DZIP1: variants seen among roughly 807,000 people sequenced by gnomAD.
The protein encoded by DZIP1 is cilium assembly protein DZIP1.
DZIP1 carries 97 observed loss-of-function variants against 107.6 expected under a neutral mutation model. That is an observed-to-expected ratio of 0.90 (90% CI 0.77 to 1.07). The LOEUF (loss-of-function observed/expected upper bound fraction) is 1.07, where lower values mean the gene tolerates loss of function less well. Among genes scored for constraint, DZIP1 ranks in the 50% least tolerant of loss-of-function variants. The pLI is 0.00. For synonymous variants in DZIP1, 390 were observed against 386.4 expected (o/e 1.01, Z -0.11); for missense variants, 1,035 against 1,063.6 (o/e 0.97, Z 0.37).
chr13:95,583,810 C>T (rs774878879), intron 22 of DZIP1, among the ~76,000 whole-genome samples: 9 of 151,824 alleles, frequency 5.9e-5, no homozygotes, highest in Non-Finnish European at 1.2e-4. Context: ...GAAGAGAATA[C>T]GTGTATAGAC....
intron 7 of DZIP1, among the ~76,000 whole-genome samples, chr13:95,626,003 G>C (rs553060197): frequency 9.2e-5 from 14 of 151,786 alleles, no homozygotes; most frequent in Admixed American, 2.6e-4. Context: ...ATGGTGGTAC[G>C]TGCCTGTAAT....
At chr13:95,589,961 C>T (rs2044266744) in intron 17 of DZIP1, 29 bp from the exon 18 acceptor site, 2 of 1,607,650 alleles carry the variant, frequency 1.2e-6, no homozygotes, top group Non-Finnish European at 8.5e-7. Flanking sequence ...CATGAGTCTC[C>T]ATTACCTTTA....
chr13:95,632,093 C>T (rs1490019401), intron 6 of DZIP1, among the ~76,000 whole-genome samples: 2 of 152,302 alleles, frequency 1.3e-5, no homozygotes, highest in Non-Finnish European at 2.9e-5. Flanking sequence ...TCTGCTGCTG[C>T]TCTTTCTGAG....
rs1027507352 is a variant in DZIP1 at position 95,582,097 on chromosome 13, T to TTG, written c.*135_*136dup. ...GTATTGGGTGCCATTAAAGAGACCA[T>TTG]TGTTCTTTGAATCAGTCTCTGTGTT... On this transcript the variant is annotated 3_prime_UTR_variant, in exon 23 of 23. Transcript: ENST00000376829. 1.3e-6 allele frequency: 1 copy of TTG among 744,528 alleles called. No homozygotes were observed. The highest frequency in any genetic ancestry group is 2.3e-6 in the Non-Finnish European group (1 of 432,576). 46.1% of individuals were successfully genotyped at this position (744,528 alleles called of 1,614,324 possible).
rs753037184 is a variant in DZIP1 at position 95,584,796 on chromosome 13, G to A, written c.2464C>T (p.His822Tyr). Residue 822 changes from histidine to tyrosine, a missense_variant, in exon 22 of 23, where the codon CAT (histidine) becomes TAT (tyrosine). Coordinates refer to ENST00000376829, the MANE Select transcript of DZIP1 (RefSeq NM_198968.4). ...KEPPPAKNEP[H>Y]FAHVLNAWGA... ...CAGGCATTTAGCACATGAGCAAAAT[G>A]TGGTTCATTTTTCGCAGGTGGAGGT... is the stretch of plus-strand genomic sequence containing the variant. 4 of 1,614,144 alleles carry A rather than the reference G, an allele frequency of 2.5e-6. No individual in the cohort carries two copies. Among genetic ancestry groups the A allele is most frequent in the Admixed American group, 3.3e-5 (2 of 60,020 alleles).
At position 95,600,617 on chromosome 13, in the gene DZIP1, T is replaced by C. The variant is rs532095596; in HGVS notation, c.1478-1193A>G. Among the ~76,000 whole-genome samples the C allele has an allele frequency of 9.6e-5, 13 of 134,856 alleles. 1 individual carries two copies. The highest frequency in any genetic ancestry group is 2.7e-4 in the East Asian group (1 of 3,714). The allele number at this position is 134,856 out of a possible 152,430, so 88.5% of individuals were successfully genotyped here. On this transcript the variant is annotated intron_variant, in intron 14 of 22. Coordinates refer to ENST00000376829, the MANE Select transcript of DZIP1 (RefSeq NM_198968.4). ...ATAGATAGATAGATAGATAGATAGA[T>C]AGATAGATAGATAGACAGACAGACA...
chr13:95,617,189 G>C (rs976153440), intron 10 of DZIP1, among the ~76,000 whole-genome samples: 1 of 150,402 alleles, frequency 6.6e-6, no homozygotes, highest in East Asian at 2.0e-4. Flanking sequence ...GCAACAGAGT[G>C]AGACTCTGTC....
chr13:95,613,511 C>CAAAAAAAAAA (rs11356166), intron 10 of DZIP1, among the ~76,000 whole-genome samples: 1 of 140,370 alleles, frequency 7.1e-6, no homozygotes, highest in African/African-American at 2.6e-5. Context: ...GATTCCGTCT[C>CAAAAAAAAAA]AAAAAAAAAA....
chr13:95,625,985 A>T (rs1876499196), intron 7 of DZIP1, among the ~76,000 whole-genome samples: 1 of 151,778 alleles, frequency 6.6e-6, no homozygotes, highest in East Asian at 1.9e-4. Context: ...AAAAAAAATT[A>T]GCCAGGTATG....
At position 95,587,666 on chromosome 13, in the gene DZIP1, G is replaced by A. The variant is rs1240910741; in HGVS notation, c.2091C>T (p.Ser697=). 1 of 1,614,026 alleles carries A rather than the reference G, an allele frequency of 6.2e-7. No homozygotes were observed. Among genetic ancestry groups the A allele is most frequent in the African/African-American group, 1.3e-5 (1 of 74,908 alleles). The stretch of plus-strand genomic sequence containing the variant: ...GTGGCGGCACAGGAAGTGGGCCTGG[G>A]GATGCGTATGCCCGGATGAGGTCGT... ...EDDDLIRAYA[S]PGPLPVPPPQ... is the part of the protein sequence containing the mutation. Residue 697 remains serine, a synonymous_variant, in exon 20 of 23, where the codon TCC becomes TCT. Transcript: ENST00000376829.
intron 14 of DZIP1, among the ~76,000 whole-genome samples, chr13:95,604,207 C>T (rs192135564): frequency 1.1e-4 from 16 of 152,314 alleles, no homozygotes; most frequent in African/African-American, 3.9e-4. Flanking sequence ...CCAGGGGACC[C>T]GACCTACAAT....
chr13:95,587,192 A>T (rs1434841024), intron 20 of DZIP1, among the ~76,000 whole-genome samples: 1 of 151,876 alleles, frequency 6.6e-6, no homozygotes, highest in African/African-American at 2.4e-5. Context: ...CGCGGAACAG[A>T]CCCTCCCTGG....
intron 13 of DZIP1, among the ~76,000 whole-genome samples, chr13:95,608,149 C>T (rs1378710296): frequency 6.6e-6 from 1 of 152,142 alleles, no homozygotes; most frequent in Non-Finnish European, 1.5e-5. Flanking sequence ...ACCTATGGGG[C>T]TATGGGCCTA....
chr13:95,598,813 A>G (rs1267706576), intron 15 of DZIP1, among the ~76,000 whole-genome samples: 1 of 152,164 alleles, frequency 6.6e-6, no homozygotes. Flanking sequence ...AGGACTATCA[A>G]ATGAAATGAG....
Position 95,630,592 on chromosome 13 carries a change from T to TG in DZIP1, c.686-480dup. 4 of 564,228 alleles carry TG rather than the reference T, an allele frequency of 7.1e-6. No individual in the cohort carries two copies. The South Asian group carries it at 8.7e-5, about 12-fold the overall frequency. 35.0% of individuals were successfully genotyped at this position (564,228 alleles called of 1,614,324 possible). A position where few individuals can be genotyped will look rare whatever the true frequency, so the allele number is the denominator to read the frequency against. Reference sequence around the variant, plus strand: ...TCAGTGCTAATACAAGCAGAGGACTTGGGGGGCATTCAAAATGCAAACTTG... The same window carrying TG: ...TCAGTGCTAATACAAGCAGAGGACTTGGGGGGGCATTCAAAATGCAAACTTG... On this transcript the variant is annotated intron_variant, in intron 6 of 22. Coordinates refer to ENST00000376829, the MANE Select transcript of DZIP1 (RefSeq NM_198968.4).
At chr13:95,642,485 A>G (rs1211364412) in intron 3 of DZIP1, among the ~76,000 whole-genome samples, 1 of 152,176 alleles carries the variant, frequency 6.6e-6, no homozygotes, top group African/African-American at 2.4e-5. Flanking sequence ...AGAAATATCT[A>G]TTCATTCCAT....
chr13:95,587,725 G>T lies in DZIP1; in HGVS notation c.2032C>A (p.Pro678Thr). Residue 678 changes from proline to threonine, a missense_variant, in exon 20 of 23, where the codon CCT becomes ACT. Coordinates refer to ENST00000376829, the MANE Select transcript of DZIP1 (RefSeq NM_198968.4). ...TGCTCCTCCTCTGAACTAAAAGGAG[G>T]GGTCCTACACAAATCAACACCGAGA... ...FPRKSSTITT[P>T]PFSSEEEQED... 1 of 1,613,230 alleles carries T rather than the reference G, an allele frequency of 6.2e-7. No individual in the cohort carries two copies. The highest frequency in any genetic ancestry group is 8.5e-7 in the Non-Finnish European group (1 of 1,179,738).
intron 20 of DZIP1, among the ~76,000 whole-genome samples, 164 bp downstream of exon 20, chr13:95,587,375 T>C (rs796074222): frequency 4.6e-5 from 7 of 152,252 alleles, no homozygotes; most frequent in African/African-American, 1.7e-4. Flanking sequence ...CTCCTTCAAC[T>C]GGAATGTGCT....
At chr13:95,644,329 G>A (rs959086314) in intron 1 of DZIP1, 48 bp downstream of exon 1, 2 of 152,386 alleles carry the variant, frequency 1.3e-5, no homozygotes, top group African/African-American at 2.4e-5. Context: ...GGGATGCCCC[G>A]TCAGCCACCT....
Sources: allele counts gnomAD v4.1 joint callset (sites outside exome capture counted in the v4.1 genomes callset), GRCh38; gene constraint gnomAD v4.1.1; transcripts MANE v1.5; gene names NCBI Gene and HGNC (gene_info 2026-07-23, HGNC 2026-07-21).